PDE1C: variants seen among roughly 807,000 people sequenced by gnomAD.
PDE1C encodes phosphodiesterase 1C, also known as dual specificity calcium/calmodulin-dependent 3',5'-cyclic nucleotide phosphodiesterase 1C.
In PDE1C, 62 loss-of-function variants were observed where a neutral mutation model predicts 93.1. That is an observed-to-expected ratio of 0.67 (90% CI 0.54 to 0.82). The LOEUF (loss-of-function observed/expected upper bound fraction) is 0.82. Among genes scored for constraint, PDE1C ranks in the 40% least tolerant of loss-of-function variants. The pLI, the probability that PDE1C is intolerant of heterozygous loss-of-function variation, is 0.00. For synonymous variants in PDE1C, 325 were observed against 310.1 expected (o/e 1.05, Z -0.50); for missense variants, 742 against 884.6 (o/e 0.84, Z 2.04).
In PDE1C at chr7:31,764,207, G is replaced by A. The variant is rs188160380; in HGVS notation, c.1961-10654C>T. Among the ~76,000 whole-genome samples the A allele has an allele frequency of 6.6e-5, 10 of 152,250 alleles. No individual in the cohort carries two copies. The East Asian group carries it at 1.9e-3, about 29-fold the overall frequency. ...GATCTGTTGCCCAAGCTGGAGTGCAGTGGCACAATCTCGGCTCACTGCAAC... is the reference window on the plus strand; with the variant it reads ...GATCTGTTGCCCAAGCTGGAGTGCAATGGCACAATCTCGGCTCACTGCAAC... On this transcript the variant is annotated intron_variant, in intron 17 of 17. Coordinates refer to ENST00000396191, the MANE Select transcript of PDE1C (RefSeq NM_001191057.4).
Position 31,965,146 on chromosome 7 carries a change from G to A in PDE1C, c.129-84286C>T, listed in dbSNP as rs1490419862. Reference sequence around the variant, plus strand: ...GAGTTGAGAGAAGAAGGCTTCAGAAGATCAAACTACTCCGAGCTAAAGGAG... The same window carrying A: ...GAGTTGAGAGAAGAAGGCTTCAGAAAATCAAACTACTCCGAGCTAAAGGAG... On this transcript the variant is annotated intron_variant, in intron 2 of 17. Transcript: ENST00000396191. Among the ~76,000 whole-genome samples the A allele has an allele frequency of 2.6e-5, 4 of 152,022 alleles. 1 individual carries two copies. The highest frequency in any genetic ancestry group is 4.8e-5 in the African/African-American group (2 of 41,362).
At chr7:31,887,867 T>A (rs902661125) in intron 2 of PDE1C, among the ~76,000 whole-genome samples, 26 of 152,176 alleles carry the variant, frequency 1.7e-4, no homozygotes, top group Non-Finnish European at 5.9e-5. Context: ...AACCCATAGG[T>A]CAAAGGTTAA....
the PDE1C span, chr7:31,642,346 A>C: frequency 1.1e-6 from 1 of 886,024 alleles, no homozygotes. Flanking sequence ...AACCTCACTC[A>C]CAGCTAACTC....
At chr7:32,232,500 C>CG (rs1807775726) in intron 1 of PDE1C, among the ~76,000 whole-genome samples, 1 of 152,016 alleles carries the variant, frequency 6.6e-6, no homozygotes, top group African/African-American at 2.4e-5. Flanking sequence ...GCCCAGTGGC[C>CG]TGAAATTCAG....
chr7:31,927,126 G>A (rs959507563), intron 2 of PDE1C, among the ~76,000 whole-genome samples: 1 of 151,942 alleles, frequency 6.6e-6, no homozygotes, highest in African/African-American at 2.4e-5. Context: ...CTTGGTGTGG[G>A]GAGGTGCATC....
chr7:31,799,781 A>AT (rs1157543580), intron 16 of PDE1C, among the ~76,000 whole-genome samples: 6 of 151,594 alleles, frequency 4.0e-5, no homozygotes, highest in Admixed American at 4.0e-4. Flanking sequence ...TGCCTCCTCC[A>AT]TTTTTTCTGT....
At chr7:32,241,625 T>C (rs543513420) in intron 1 of PDE1C, among the ~76,000 whole-genome samples, 1 of 152,308 alleles carries the variant, frequency 6.6e-6, no homozygotes, top group East Asian at 1.9e-4. Context: ...GAGACGGTTA[T>C]GTCAATACAT....
intron 1 of PDE1C, among the ~76,000 whole-genome samples, chr7:32,292,854 C>G (rs901254545): frequency 2.0e-5 from 3 of 152,224 alleles, no homozygotes; most frequent in African/African-American, 4.8e-5. Flanking sequence ...CTGTCCAGGT[C>G]TGTGGAGGCT....
chr7:31,625,487 T>C, the PDE1C span, among the ~76,000 whole-genome samples: 6 of 152,106 alleles, frequency 3.9e-5, no homozygotes, highest in South Asian at 1.2e-3. Flanking sequence ...ATGGATGAAA[T>C]TGGAAATCAT....
At chr7:31,793,752 A>G (rs1438686912) in intron 16 of PDE1C, among the ~76,000 whole-genome samples, 1 of 151,560 alleles carries the variant, frequency 6.6e-6, no homozygotes, top group Non-Finnish European at 1.5e-5. Flanking sequence ...TTATCCAGGT[A>G]TGGACTTAAT....
chr7:31,973,433 A>C (rs983367296), intron 2 of PDE1C, among the ~76,000 whole-genome samples: 9 of 152,234 alleles, frequency 5.9e-5, no homozygotes, highest in Non-Finnish European at 1.2e-4. Context: ...AAAACTGAAG[A>C]CAAAAATAAG....
intron 2 of PDE1C, among the ~76,000 whole-genome samples, chr7:31,981,788 T>C (rs2129060331): frequency 6.6e-6 from 1 of 152,362 alleles, no homozygotes; most frequent in African/African-American, 2.4e-5. Context: ...AGTGTTAATC[T>C]GCCTATATCT....
At chr7:31,622,821 T>C in the PDE1C span, among the ~76,000 whole-genome samples, 1 of 152,102 alleles carries the variant, frequency 6.6e-6, no homozygotes, top group Non-Finnish European at 1.5e-5. Context: ...ATCCAGGAGC[T>C]GGTTTTTTGA....
chr7:31,840,415 G>A (rs1423344612), intron 9 of PDE1C, among the ~76,000 whole-genome samples: 1 of 151,858 alleles, frequency 6.6e-6, no homozygotes, highest in East Asian at 1.9e-4. Context: ...CAATGTCTTG[G>A]CCTGCTTTTT....
the PDE1C span, among the ~76,000 whole-genome samples, chr7:31,685,552 T>G: frequency 6.6e-6 from 1 of 152,212 alleles, no homozygotes; most frequent in African/African-American, 2.4e-5. Context: ...GGACTGAAGA[T>G]GCTGCTAACT....
chr7:32,012,494 G>A (rs931612194), intron 2 of PDE1C, among the ~76,000 whole-genome samples: 2 of 152,138 alleles, frequency 1.3e-5, no homozygotes, highest in African/African-American at 4.8e-5. Flanking sequence ...TTCAACATGA[G>A]ATTTGGAAGG....
At chr7:32,153,830 T>C (rs1801404678) in intron 3 of PDE1C, among the ~76,000 whole-genome samples, 1 of 152,224 alleles carries the variant, frequency 6.6e-6, no homozygotes, top group African/African-American at 2.4e-5. Context: ...TTTTAGAATT[T>C]GTTTGGTCGC....
At chr7:31,787,482 A>C (rs1326337068) in intron 16 of PDE1C, 9 of 152,224 alleles carry the variant, frequency 5.9e-5, no homozygotes, top group African/African-American at 2.2e-4. Flanking sequence ...ATGCCACTGA[A>C]ACGTACCACA....
chr7:31,658,237 A>G, the PDE1C span: 1 of 1,470,246 alleles, frequency 6.8e-7, no homozygotes, highest in Non-Finnish European at 8.9e-7. Context: ...ATGTTGCATT[A>G]GGTTTTGTTT....
Sources: allele counts gnomAD v4.1 joint callset (sites outside exome capture counted in the v4.1 genomes callset), GRCh38; gene constraint gnomAD v4.1.1; transcripts MANE v1.5; gene names NCBI Gene and HGNC (gene_info 2026-07-23, HGNC 2026-07-21).